Variants in GRIK1 observed in about 807,000 individuals in gnomAD.
GRIK1 encodes glutamate ionotropic receptor kainate type subunit 1.
A neutral mutation model predicts 105.7 loss-of-function variants in GRIK1; 69 were observed. The ratio of observed to expected loss-of-function variants is 0.65; its 90% CI spans 0.54 to 0.80. GRIK1 has a LOEUF of 0.80. GRIK1 is among the 30% of genes least tolerant of loss of function. The probability of loss-of-function intolerance (pLI) is 0.00; values close to 1 mark genes in which losing one functional copy is unlikely to be tolerated. For synonymous variants in GRIK1, 438 were observed against 431.3 expected (o/e 1.02, Z -0.19); for missense variants, 1,109 against 1,167.3 (o/e 0.95, Z 0.73).
intron 1 of GRIK1, among the ~76,000 whole-genome samples, chr21:29,852,584 G>A (rs1300547368): frequency 6.6e-6 from 1 of 152,134 alleles, no homozygotes; most frequent in East Asian, 1.9e-4. Flanking sequence ...CACATTGTAG[G>A]CAGTAAATAA....
chr21:29,697,623 C>CA (rs954115895), intron 1 of GRIK1, among the ~76,000 whole-genome samples: 12 of 151,938 alleles, frequency 7.9e-5, no homozygotes, highest in Non-Finnish European at 1.0e-4. Flanking sequence ...GGAGATGTAC[C>CA]AAAAAAGTGA....
In GRIK1 at chr21:29,598,860, A is replaced by G. The variant is rs779930513; in HGVS notation, c.1176T>C (p.Ile392=). 1 of 1,561,424 alleles carries G rather than the reference A, an allele frequency of 6.4e-7. No homozygotes were observed. The highest frequency in any genetic ancestry group is 2.3e-5 in the East Asian group (1 of 44,284). ...NGLRKDFDLD[I]ISLKEEGTEK... ...CAGTTCCTTCCTCTTTGAGACTAAT[A>G]ATGTCCAGATCAAAATCCTTCCTCA... The change falls in exon 8 of 18, where the codon ATT becomes ATC. Residue 392 remains isoleucine, a synonymous_variant. Coordinates refer to ENST00000327783, the MANE Select transcript of GRIK1 (RefSeq NM_001330994.2).
At chr21:29,768,674 A>G (rs2065736639) in intron 1 of GRIK1, among the ~76,000 whole-genome samples, 1 of 152,208 alleles carries the variant, frequency 6.6e-6, no homozygotes, top group South Asian at 2.1e-4. Context: ...CATGCTGCAG[A>G]TCGGAGGAGC....
chr21:29,706,345 T>A, intron 1 of GRIK1, among the ~76,000 whole-genome samples: 1 of 152,228 alleles, frequency 6.6e-6, no homozygotes, highest in East Asian at 1.9e-4. Flanking sequence ...CTGTAGAACA[T>A]CTAAAAAGCT....
intron 1 of GRIK1, among the ~76,000 whole-genome samples, chr21:29,845,661 T>C (rs2068092398): frequency 6.6e-6 from 1 of 152,228 alleles, no homozygotes; most frequent in Non-Finnish European, 1.5e-5. Flanking sequence ...TAACGTAATT[T>C]TTGGTTTCCT....
chr21:29,878,769 G>A (rs558263238), intron 1 of GRIK1, among the ~76,000 whole-genome samples: 1 of 152,212 alleles, frequency 6.6e-6, no homozygotes, highest in African/African-American at 2.4e-5. Flanking sequence ...AAAGCACGAA[G>A]TGGACCCTCA....
intron 1 of GRIK1, among the ~76,000 whole-genome samples, chr21:29,724,494 C>T (rs2064403644): frequency 6.6e-6 from 1 of 152,192 alleles, no homozygotes; most frequent in South Asian, 2.1e-4. Flanking sequence ...CCCCTATTTA[C>T]AGCTTTATAG....
At chr21:29,580,977 G>T (rs763160097) in intron 13 of GRIK1, among the ~76,000 whole-genome samples, 1 of 152,160 alleles carries the variant, frequency 6.6e-6, no homozygotes, top group African/African-American at 2.4e-5. Context: ...ATGAATCTCA[G>T]TAGGGTTTGC....
intron 3 of GRIK1, among the ~76,000 whole-genome samples, chr21:29,683,679 A>G (rs1163605231): frequency 6.6e-6 from 1 of 152,210 alleles, no homozygotes; most frequent in Non-Finnish European, 1.5e-5. Flanking sequence ...CACTCACTGC[A>G]TGGGTGACAG....
intron 1 of GRIK1, among the ~76,000 whole-genome samples, chr21:29,883,045 A>C (rs746250914): frequency 6.6e-6 from 1 of 152,078 alleles, no homozygotes; most frequent in Admixed American, 6.6e-5. Flanking sequence ...TTCTGTGTTC[A>C]TGGAATCGTG....
At chr21:29,740,068 CT>C (rs1418391590) in intron 1 of GRIK1, among the ~76,000 whole-genome samples, 1 of 152,142 alleles carries the variant, frequency 6.6e-6, no homozygotes, top group Non-Finnish European at 1.5e-5. Flanking sequence ...GAAAAAACTT[CT>C]TCTGGATTAA....
intron 1 of GRIK1, among the ~76,000 whole-genome samples, chr21:29,843,809 C>T (rs530037209): frequency 6.6e-6 from 1 of 152,310 alleles, no homozygotes; most frequent in East Asian, 1.9e-4. Context: ...AGCTCTCCTG[C>T]CTTCAGTAAC....
At chr21:29,733,973 A>G (rs1388641519) in intron 1 of GRIK1, among the ~76,000 whole-genome samples, 1 of 152,080 alleles carries the variant, frequency 6.6e-6, no homozygotes, top group Non-Finnish European at 1.5e-5. Flanking sequence ...TTTAATATTT[A>G]CTTTTATTTT....
At chr21:29,877,901 G>T (rs2069249098) in intron 1 of GRIK1, among the ~76,000 whole-genome samples, 1 of 152,050 alleles carries the variant, frequency 6.6e-6, no homozygotes, top group Non-Finnish European at 1.5e-5. Context: ...ATCAGTCCTG[G>T]CAAAATAGCT....
rs3054331 is a variant in GRIK1 at position 29,656,354 on chromosome 21, C to CAAAAAAAAAA, written c.727-1501_727-1492dup. Among the ~76,000 whole-genome samples, 301 of 51,096 alleles carry CAAAAAAAAAA rather than the reference C, an allele frequency of 5.9e-3. 27 individuals carry two copies. The highest frequency in any genetic ancestry group is 7.8e-3 in the African/African-American group (147 of 18,830). The allele number at this position is 51,096 out of a possible 152,430, so 33.5% of individuals were successfully genotyped here. ...CCAGCCTGGGGGCCAGAGCGAGACT[C>CAAAAAAAAAA]AAAAAAAAAAAAAAAAAAAAAAAAA... is the stretch of plus-strand genomic sequence containing the variant. On this transcript the variant is annotated intron_variant, in intron 4 of 17. Transcript: ENST00000327783.
Position 29,620,808 on chromosome 21 carries a change from T to TATATATATATAG in GRIK1, c.1099-21883_1099-21872dup, listed in dbSNP as rs1555851208. Reference sequence around the variant, plus strand: ...ATATATATATCTATATATATATAGATATATATATATAGTAATAATATATTA... The same window carrying TATATATATATAG: ...ATATATATATCTATATATATATAGATATATATATATAGATATATATATAGTAATAATATATTA... On this transcript the variant is annotated intron_variant, in intron 7 of 17. Transcript: ENST00000327783. Among the ~76,000 whole-genome samples, 368 of 122,592 alleles carry TATATATATATAG rather than the reference T, an allele frequency of 3.0e-3. 2 individuals are homozygous for TATATATATATAG. The highest frequency in any genetic ancestry group is 0.012 in the African/African-American group (334 of 27,844). 80.4% of individuals were successfully genotyped at this position (122,592 alleles called of 152,430 possible). A position where few individuals can be genotyped will look rare whatever the true frequency, so the allele number is the denominator to read the frequency against.
intron 1 of GRIK1, among the ~76,000 whole-genome samples, chr21:29,835,112 C>A (rs1032945455): frequency 6.6e-6 from 1 of 152,108 alleles, no homozygotes; most frequent in African/African-American, 2.4e-5. Context: ...GCACTTAACT[C>A]AATATTATTT....
intron 4 of GRIK1, among the ~76,000 whole-genome samples, chr21:29,668,963 G>A (rs1271580290): frequency 2.0e-5 from 3 of 152,162 alleles, no homozygotes; most frequent in Non-Finnish European, 4.4e-5. Flanking sequence ...GCGAGGTGGT[G>A]GGTGGGTAAG....
At position 29,562,071 on chromosome 21, in the gene GRIK1, A is replaced by T. The variant is rs142013058; in HGVS notation, c.2131-222T>A. On this transcript the variant is annotated intron_variant, in intron 14 of 17. Coordinates refer to ENST00000327783, the MANE Select transcript of GRIK1 (RefSeq NM_001330994.2). ...GCACGGAGGCAGCTATTACATGGAG[A>T]CCTTGATCTATAAGCCATTGTGGCC... Among the ~76,000 whole-genome samples the T allele has an allele frequency of 2.1e-3, 325 of 152,236 alleles. 1 individual carries two copies. The highest frequency in any genetic ancestry group is 7.5e-3 in the African/African-American group (312 of 41,548).
Sources: allele counts gnomAD v4.1 joint callset (sites outside exome capture counted in the v4.1 genomes callset), GRCh38; gene constraint gnomAD v4.1.1; transcripts MANE v1.5; gene names NCBI Gene and HGNC (gene_info 2026-07-23, HGNC 2026-07-21).